COMMD1: variants seen among roughly 807,000 people sequenced by gnomAD.
COMMD1 encodes COMM domain-containing protein 1.
In COMMD1, 10 loss-of-function variants were observed where a neutral mutation model predicts 17.2. The ratio of observed to expected loss-of-function variants is 0.58; its 90% CI spans 0.36 to 0.99. The LOEUF is 0.99. Among genes scored for constraint, COMMD1 ranks in the 50% least tolerant of loss-of-function variants. COMMD1 has a pLI of 0.01. For missense variants in COMMD1, 270 were observed against 231.8 expected (o/e 1.17, Z -1.07); for synonymous variants, 97 against 91.6 (o/e 1.06, Z -0.34).
At chr2:61,940,991 G>T (rs998771742) in intron 1 of COMMD1, among the ~76,000 whole-genome samples, 2 of 150,346 alleles carry the variant, frequency 1.3e-5, no homozygotes, top group African/African-American at 4.9e-5. Context: ...CCCGGCTGGG[G>T]TGAATTCTTT....
chr2:61,976,632 G>A (rs1401546035), intron 1 of COMMD1, among the ~76,000 whole-genome samples: 1 of 152,152 alleles, frequency 6.6e-6, no homozygotes, highest in Non-Finnish European at 1.5e-5. Flanking sequence ...CAAGGATATA[G>A]CTGAAGTGAA....
chr2:62,032,883 G>A (rs1311101622), intron 2 of COMMD1, among the ~76,000 whole-genome samples: 1 of 152,128 alleles, frequency 6.6e-6, no homozygotes, highest in South Asian at 2.1e-4. Flanking sequence ...CGATTCTCCT[G>A]CCTCAGCCTC....
intron 2 of COMMD1, among the ~76,000 whole-genome samples, chr2:62,041,988 T>C (rs1434568360): frequency 2.0e-5 from 3 of 152,240 alleles, no homozygotes; most frequent in Non-Finnish European, 4.4e-5. Context: ...CTGCTGGCTC[T>C]GGTGGCCTGC....
intron 2 of COMMD1, among the ~76,000 whole-genome samples, chr2:62,020,553 C>T (rs1669582999): frequency 6.6e-6 from 1 of 152,104 alleles, no homozygotes; most frequent in African/African-American, 2.4e-5. Context: ...GTGTTTCTGC[C>T]AATATAACTT....
intron 2 of COMMD1, among the ~76,000 whole-genome samples, chr2:62,089,379 G>C (rs761333243): frequency 1.3e-5 from 2 of 150,010 alleles, no homozygotes; most frequent in Admixed American, 1.3e-4. Context: ...TAAGCCCCCC[G>C]GGTTCAAGTG....
At position 62,071,360 on chromosome 2, in the gene COMMD1, G is replaced by A. The variant is rs75939288; in HGVS notation, c.463-64471G>A. Among the ~76,000 whole-genome samples, 217 of 152,348 alleles carry A rather than the reference G, an allele frequency of 1.4e-3. 4 individuals carry two copies. The East Asian group carries it at 0.037, about 26-fold the overall frequency. On this transcript the variant is annotated intron_variant, in intron 2 of 2. Coordinates refer to ENST00000311832, the MANE Select transcript of COMMD1 (RefSeq NM_152516.4). ...CACTTTTATCACCATCTTGGACTTG[G>A]AGGGATTTGTCTGGCTTTTTCACCA...
chr2:61,923,454 A>G (rs1303366692), intron 1 of COMMD1, among the ~76,000 whole-genome samples: 2 of 152,128 alleles, frequency 1.3e-5, no homozygotes, highest in Non-Finnish European at 2.9e-5. Context: ...TAAAAGCCTA[A>G]TGAATGAGTT....
chr2:61,997,287 C>T lies in COMMD1; in HGVS notation c.181-3414C>T, dbSNP rs1265963716. On this transcript the variant is annotated intron_variant, in intron 1 of 2. Coordinates refer to ENST00000311832, the MANE Select transcript of COMMD1 (RefSeq NM_152516.4). ...ATGTTGCCCAGAATGGTCTTGAACT[C>T]CCAGGCTCAAGCAATCTGCCCACCT... is the stretch of plus-strand genomic sequence containing the variant. Among the ~76,000 whole-genome samples, 3 of 151,894 alleles carry T rather than the reference C, an allele frequency of 2.0e-5. No homozygotes were observed. The East Asian group carries it at 5.8e-4, about 29-fold the overall frequency.
At chr2:61,895,598 C>T (rs1669534384) in intron 1 of COMMD1, among the ~76,000 whole-genome samples, 1 of 152,158 alleles carries the variant, frequency 6.6e-6, no homozygotes, top group Non-Finnish European at 1.5e-5. Context: ...CCTCTGAGAG[C>T]AATCCTGCCC....
rs1241234371 is a variant in COMMD1, at chr2:62,121,279, A to C, written c.463-14552A>C. Among the ~76,000 whole-genome samples the C allele has an allele frequency of 2.7e-5, 4 of 146,996 alleles. No individual in the cohort carries two copies. In the East Asian group the frequency reaches 8.2e-4, roughly 30 times the overall value. On this transcript the variant is annotated intron_variant, in intron 2 of 2. Transcript: ENST00000311832. ...CAGCCACTTGGGAGGCTGAGGCAGG[A>C]GAATCACCTGAACCTGGGAGGTGGA...
At chr2:62,088,968 A>G (rs537994051) in intron 2 of COMMD1, among the ~76,000 whole-genome samples, 1 of 152,360 alleles carries the variant, frequency 6.6e-6, no homozygotes, top group African/African-American at 2.4e-5. Context: ...GGCTATAGGT[A>G]AATCTAAACA....
chr2:61,965,684 A>G (rs1361737635), intron 1 of COMMD1, among the ~76,000 whole-genome samples: 1 of 152,218 alleles, frequency 6.6e-6, no homozygotes, highest in Non-Finnish European at 1.5e-5. Flanking sequence ...ATGTGCAAAA[A>G]TGGTTGCTGC....
In COMMD1 at chr2:62,048,688, GT is replaced by G. The variant is rs1028859346; in HGVS notation, c.462+47717del. 8.7e-3 allele frequency among the ~76,000 whole-genome samples: 1,264 copies of G among 145,460 alleles called. 11 individuals are homozygous for G. The highest frequency in any genetic ancestry group is 0.026 in the African/African-American group (1,024 of 39,900). ...ATAGTTTTCAGCAGATTTTTTTCTCGTTTTTTTTTTTAATTGATGTATAATT... is the reference window on the plus strand; with the variant it reads ...ATAGTTTTCAGCAGATTTTTTTCTCGTTTTTTTTTTAATTGATGTATAATT... On this transcript the variant is annotated intron_variant, in intron 2 of 2. Transcript: ENST00000311832.
At chr2:61,923,343 A>G (rs981209730) in intron 1 of COMMD1, among the ~76,000 whole-genome samples, 8 of 152,138 alleles carry the variant, frequency 5.3e-5, no homozygotes, top group Non-Finnish European at 1.0e-4. Context: ...ACATTAAACT[A>G]TGTGCAAAGT....
chr2:62,031,160 C>T (rs1276768290), intron 2 of COMMD1, among the ~76,000 whole-genome samples: 10 of 152,162 alleles, frequency 6.6e-5, no homozygotes, highest in African/African-American at 2.4e-4. Context: ...TGGCAATTGA[C>T]CTTATTCTCT....
intron 1 of COMMD1, among the ~76,000 whole-genome samples, chr2:61,906,308 T>TA (rs1669770843): frequency 6.6e-6 from 1 of 152,222 alleles, no homozygotes; most frequent in Non-Finnish European, 1.5e-5. Context: ...ACTGCGTGGT[T>TA]AAAAGAGCAT....
intron 2 of COMMD1, among the ~76,000 whole-genome samples, chr2:62,131,667 T>G (rs1386947115): frequency 6.6e-6 from 1 of 152,008 alleles, no homozygotes; most frequent in Non-Finnish European, 1.5e-5. Flanking sequence ...CTCAGCCTCC[T>G]AAGTAGCTGG....
intron 2 of COMMD1, among the ~76,000 whole-genome samples, chr2:62,022,711 A>G (rs902674320): frequency 3.3e-5 from 5 of 151,710 alleles, no homozygotes; most frequent in African/African-American, 1.2e-4. Flanking sequence ...CCTCTACTTT[A>G]GTAGAAATGA....
intron 2 of COMMD1, among the ~76,000 whole-genome samples, chr2:62,038,917 C>T (rs896089749): frequency 2.0e-5 from 3 of 152,142 alleles, no homozygotes; most frequent in African/African-American, 7.2e-5. Flanking sequence ...TAATGAAAGA[C>T]AGTTTATGTA....
Sources: allele counts gnomAD v4.1 joint callset (sites outside exome capture counted in the v4.1 genomes callset), GRCh38; gene constraint gnomAD v4.1.1; transcripts MANE v1.5; gene names NCBI Gene and HGNC (gene_info 2026-07-23, HGNC 2026-07-21).